Variants in FLACC1 observed in about 807,000 individuals in gnomAD.
FLACC1 encodes the protein flagellum associated containing coiled-coil domains 1.
Under a neutral mutation model 62.8 loss-of-function variants are expected in FLACC1, and 66 were observed. The ratio of observed to expected loss-of-function variants is 1.05; its 90% confidence interval spans 0.86 to 1.29. FLACC1 has a LOEUF of 1.29. Among genes scored for constraint, FLACC1 ranks in the 50% most tolerant of loss-of-function variants. FLACC1 has a pLI of 0.00. For synonymous variants in FLACC1, 156 were observed against 161.0 expected (o/e 0.97, Z 0.24); for missense variants, 452 against 489.1 (o/e 0.92, Z 0.71).
intron 7 of FLACC1, among the ~76,000 whole-genome samples, chr2:201,341,452 C>CTA (rs959782290): frequency 6.7e-6 from 1 of 148,580 alleles, no homozygotes; most frequent in Non-Finnish European, 1.5e-5. Flanking sequence ...AACCATTATA[C>CTA]TATATATATT....
upstream of FLACC1, among the ~76,000 whole-genome samples, chr2:201,359,293 T>C (rs1022154126): frequency 3.9e-5 from 6 of 152,182 alleles, no homozygotes; most frequent in Non-Finnish European, 7.4e-5. Flanking sequence ...TTTGGATATG[T>C]TGAGGTGCAG....
At chr2:201,335,530 T>C (rs1219318974) in intron 7 of FLACC1, among the ~76,000 whole-genome samples, 2 of 152,188 alleles carry the variant, frequency 1.3e-5, no homozygotes, top group African/African-American at 2.4e-5. Flanking sequence ...TTCTGTTCCA[T>C]TGGTCTATGT....
At chr2:201,298,624 G>A (rs955556340) in intron 12 of FLACC1, among the ~76,000 whole-genome samples, 6 of 152,332 alleles carry the variant, frequency 3.9e-5, no homozygotes, top group African/African-American at 1.4e-4. Context: ...TAATGCTGAA[G>A]CCCTGCCTGG....
At chr2:201,340,634 G>A (rs1294054033) in intron 7 of FLACC1, among the ~76,000 whole-genome samples, 1 of 152,066 alleles carries the variant, frequency 6.6e-6, no homozygotes, top group Non-Finnish European at 1.5e-5. Flanking sequence ...CTCTCATATT[G>A]GGATAAAATT....
At chr2:201,302,813 C>T (rs994684850) in intron 11 of FLACC1, among the ~76,000 whole-genome samples, 1 of 152,152 alleles carries the variant, frequency 6.6e-6, no homozygotes, top group Admixed American at 6.5e-5. Context: ...AACTGAAAAA[C>T]CTGCTCCTGA....
chr2:201,289,195 G>T (rs974110383), intron 14 of FLACC1, among the ~76,000 whole-genome samples: 1 of 152,084 alleles, frequency 6.6e-6, no homozygotes, highest in Non-Finnish European at 1.5e-5. Context: ...CTCAGAAACT[G>T]GAAGACAAAT....
chr2:201,316,206 C>G (rs2125574401), intron 9 of FLACC1, among the ~76,000 whole-genome samples: 1 of 151,988 alleles, frequency 6.6e-6, no homozygotes, highest in African/African-American at 2.4e-5. Context: ...TAACCAAGAT[C>G]AGAGCAGAAC....
intron 7 of FLACC1, among the ~76,000 whole-genome samples, chr2:201,332,437 G>A (rs1272994027): frequency 6.6e-6 from 1 of 151,942 alleles, no homozygotes; most frequent in Non-Finnish European, 1.5e-5. Flanking sequence ...TTGCAGAGAT[G>A]GGTTTTCACC....
chr2:201,336,187 G>A (rs1040152923), intron 7 of FLACC1, among the ~76,000 whole-genome samples: 5 of 152,050 alleles, frequency 3.3e-5, no homozygotes, highest in South Asian at 2.1e-4. Flanking sequence ...AGGCCCCACC[G>A]TCTATTGCTC....
chr2:201,342,342 A>G (rs1163295824), intron 7 of FLACC1, 28 bp downstream of exon 7: 2 of 1,612,828 alleles, frequency 1.2e-6, no homozygotes, highest in African/African-American at 2.7e-5. Flanking sequence ...CCATCAACAC[A>G]CACAAGGGTC....
chr2:201,351,623 T>C (rs1430345907), intron 1 of FLACC1, among the ~76,000 whole-genome samples, 172 bp from the exon 2 acceptor site: 1 of 152,218 alleles, frequency 6.6e-6, no homozygotes, highest in Non-Finnish European at 1.5e-5. Flanking sequence ...TTCTACTCAG[T>C]AGACTTGACT....
chr2:201,343,717 G>T (rs141713024), intron 6 of FLACC1, among the ~76,000 whole-genome samples: 1 of 152,340 alleles, frequency 6.6e-6, no homozygotes, highest in East Asian at 1.9e-4. Flanking sequence ...AAATCCTCAG[G>T]AATCACAAAG....
At chr2:201,322,485 C>G (rs1950424491) in intron 9 of FLACC1, among the ~76,000 whole-genome samples, 1 of 152,018 alleles carries the variant, frequency 6.6e-6, no homozygotes, top group South Asian at 2.1e-4. Context: ...GTCTTCACCC[C>G]TGAAAGCACC....
chr2:201,309,827 A>C (rs1950180252), intron 9 of FLACC1, among the ~76,000 whole-genome samples: 1 of 149,076 alleles, frequency 6.7e-6, no homozygotes, highest in African/African-American at 2.5e-5. Context: ...GACTCGCTTG[A>C]ACCTAGAAGG....
At chr2:201,314,394 G>A (rs1167118025) in intron 9 of FLACC1, among the ~76,000 whole-genome samples, 1 of 152,140 alleles carries the variant, frequency 6.6e-6, no homozygotes, top group Non-Finnish European at 1.5e-5. Context: ...AATGCAAAAT[G>A]CTCTGGTACG....
upstream of FLACC1, among the ~76,000 whole-genome samples, chr2:201,359,423 C>T (rs911932120): frequency 6.6e-6 from 1 of 152,018 alleles, no homozygotes; most frequent in Non-Finnish European, 1.5e-5. Context: ...TATTCCAAGC[C>T]AAGGGAGCGA....
At chr2:201,310,895 G>C (rs971373954) in intron 9 of FLACC1, among the ~76,000 whole-genome samples, 1 of 152,080 alleles carries the variant, frequency 6.6e-6, no homozygotes, top group African/African-American at 2.4e-5. Flanking sequence ...TAGAGTGCTA[G>C]CTACATTAGC....
rs143903435 is a variant in FLACC1, at chr2:201,345,059, A to G, written c.369-796T>C. Reference sequence around the variant, plus strand: ...AATCTTCAATACAAACAACACCCACAACTTTACCAGGGAATACAACAAGCA... The same window carrying G: ...AATCTTCAATACAAACAACACCCACGACTTTACCAGGGAATACAACAAGCA... On this transcript the variant is annotated intron_variant, in intron 5 of 14. Transcript: ENST00000392257. Among the ~76,000 whole-genome samples the G allele has an allele frequency of 4.5e-3, 690 of 152,320 alleles. 5 individuals are homozygous for G. Among genetic ancestry groups the G allele is most frequent in the African/African-American group, 0.015 (640 of 41,572 alleles).
upstream of FLACC1, among the ~76,000 whole-genome samples, chr2:201,360,724 T>A (rs534637740): frequency 2.0e-5 from 3 of 152,318 alleles, no homozygotes; most frequent in South Asian, 6.2e-4. Context: ...TTCTGAGCCC[T>A]GGGCTTTAGA....
Sources: gnomAD v4.1 joint callset for allele counts (sites outside exome capture counted in the v4.1 genomes callset) on GRCh38, gnomAD v4.1.1 for gene constraint, MANE v1.5 for transcripts, NCBI Gene and HGNC (gene_info 2026-07-23, HGNC 2026-07-21) for gene names.